The following MYOM1 variants were observed in gnomAD, a reference collection of about 807,000 sequenced individuals.
MYOM1 encodes myomesin 1, also known as myomesin-1.
Under a neutral mutation model 205.3 loss-of-function variants are expected in MYOM1, and 164 were observed. The ratio of observed to expected loss-of-function variants is 0.80; its 90% confidence interval spans 0.70 to 0.91. The LOEUF is 0.91. MYOM1 is among the 40% of genes least tolerant of loss of function. MYOM1 has a pLI of 0.00. For synonymous variants in MYOM1, 772 were observed against 789.4 expected (o/e 0.98, Z 0.37); for missense variants, 2,011 against 2,127.3 (o/e 0.95, Z 1.08).
At position 3,100,425 on chromosome 18, in the gene MYOM1, T is replaced by C; in HGVS notation, c.3577A>G (p.Thr1193Ala). The change falls in exon 24 of 38, where the codon ACG becomes GCG. Residue 1193 changes from threonine (T) to alanine (A), a missense_variant and splice_region_variant. Physicochemically the swap from Thr to Ala is moderately conservative, Grantham distance 58 (BLOSUM62 0). Coordinates refer to ENST00000356443, the MANE Select transcript of MYOM1 (RefSeq NM_003803.4). ...RLEVESKGNK[T>A]KMTFKDLGMD... ...CCAAGGTCTTTGAAGGTCATTTTCG[T>C]CCTTCGGAACAAAATATTTTTCTTA... 3 of 1,611,732 alleles carry C rather than the reference T, an allele frequency of 1.9e-6. No homozygotes were observed.
chr18:3,200,168 G>GAAAACA (rs1232929574), intron 2 of MYOM1, among the ~76,000 whole-genome samples: 10 of 151,752 alleles, frequency 6.6e-5, no homozygotes, highest in Admixed American at 2.6e-4. Context: ...GACTCCAGCT[G>GAAAACA]AAAACAAAAA....
chr18:3,157,419 A>G (rs1200196063), intron 10 of MYOM1, among the ~76,000 whole-genome samples: 3 of 152,050 alleles, frequency 2.0e-5, no homozygotes, highest in African/African-American at 7.2e-5. Context: ...AGCTGGGTGC[A>G]GTGGGTCACG....
intron 2 of MYOM1, among the ~76,000 whole-genome samples, chr18:3,202,061 G>A (rs190701780): frequency 2.6e-4 from 39 of 152,268 alleles, no homozygotes; most frequent in African/African-American, 7.2e-4. Context: ...GAGGGAGAAG[G>A]AAATGAAGCT....
At chr18:3,158,414 C>T (rs1331238272) in intron 10 of MYOM1, among the ~76,000 whole-genome samples, 1 of 152,028 alleles carries the variant, frequency 6.6e-6, no homozygotes, top group Non-Finnish European at 1.5e-5. Context: ...CACCTCTGTC[C>T]CCTCAGTTCT....
At position 3,112,330 on chromosome 18, in the gene MYOM1, A is replaced by G; in HGVS notation, c.3386T>C (p.Leu1129Pro). The G allele has an allele frequency of 1.2e-6, 2 of 1,613,162 alleles. No homozygotes were observed. Among genetic ancestry groups the G allele is most frequent in the Non-Finnish European group, 1.7e-6 (2 of 1,179,268 alleles). Residue 1129 changes from leucine to proline, a missense_variant, in exon 22 of 38, where the codon CTT becomes CCT. Coordinates refer to ENST00000356443, the MANE Select transcript of MYOM1 (RefSeq NM_003803.4). ...GGTCTCTGCCACAACAGGGCCAGCAAGGTCAGATGGCTTCCCAACTCCCGC... is the reference window on the plus strand; with the variant it reads ...GGTCTCTGCCACAACAGGGCCAGCAGGGTCAGATGGCTTCCCAACTCCCGC... Reference protein sequence around the residue: ...NQAGVGKPSDLAGPVVAETRP... With the variant: ...NQAGVGKPSDPAGPVVAETRP...
At chr18:3,102,697 T>C in intron 22 of MYOM1, 67 bp from the exon 23 acceptor site, 1 of 1,523,262 alleles carries the variant, frequency 6.6e-7, no homozygotes, top group Non-Finnish European at 8.9e-7. Context: ...ATTTGTTACC[T>C]TGAGATTCTT....
the MYOM1 span, among the ~76,000 whole-genome samples, chr18:3,235,146 T>C: frequency 6.6e-6 from 1 of 152,326 alleles, no homozygotes; most frequent in East Asian, 1.9e-4. Flanking sequence ...GTCATCTCAA[T>C]ACATCCTCCA....
intron 13 of MYOM1, 148 bp from the exon 14 acceptor site, chr18:3,142,211 A>C: frequency 3.0e-6 from 3 of 998,074 alleles, no homozygotes; most frequent in Non-Finnish European, 4.3e-6. Flanking sequence ...TTCCCCCAAA[A>C]CATCATTCAT....
the MYOM1 span, among the ~76,000 whole-genome samples, chr18:3,238,744 G>A: frequency 2.6e-5 from 4 of 152,188 alleles, no homozygotes; most frequent in African/African-American, 9.7e-5. Context: ...CTGTCAGGGA[G>A]ACTGTGTTCC....
chr18:3,083,598 T>A (rs2079114254), intron 33 of MYOM1, among the ~76,000 whole-genome samples, 191 bp downstream of exon 33: 1 of 5,610 alleles, frequency 1.8e-4, no homozygotes, highest in Non-Finnish European at 1.4e-3. Context: ...CCAGCTCATT[T>A]TTTTTTTTTT....
In MYOM1 at chr18:3,075,468, G is replaced by A; in HGVS notation, c.4694C>T (p.Ala1565Val). The A allele has an allele frequency of 6.2e-7, 1 of 1,609,418 alleles. No homozygotes were observed. Among genetic ancestry groups the A allele is most frequent in the Non-Finnish European group, 8.5e-7 (1 of 1,177,998 alleles). Residue 1565 changes from alanine to valine, a missense_variant, in exon 36 of 38, where the codon GCC becomes GTC. By Grantham distance (64) the Ala-to-Val change is moderately conservative. Transcript: ENST00000356443. ...YAEFQRLKQA[A>V]IAEKNRARVL... ...AGTTTACTTACTTTTCTCGGCAATG[G>A]CAGCTTGTCTGTGGTTGAGAGAAAC... is the stretch of plus-strand genomic sequence containing the variant.
chr18:3,167,185 T>C (rs1187682523), intron 9 of MYOM1, among the ~76,000 whole-genome samples: 1 of 152,168 alleles, frequency 6.6e-6, no homozygotes, highest in African/African-American at 2.4e-5. Context: ...AGGCACATGG[T>C]AGTGAAAAGA....
At chr18:3,244,082 A>T in the MYOM1 span, among the ~76,000 whole-genome samples, 1 of 152,188 alleles carries the variant, frequency 6.6e-6, no homozygotes, top group African/African-American at 2.4e-5. Context: ...GGGCTGAATA[A>T]CGTTCTGTTG....
chr18:3,131,962 A>G (rs2079881738), intron 16 of MYOM1, among the ~76,000 whole-genome samples: 1 of 150,386 alleles, frequency 6.6e-6, no homozygotes, highest in Non-Finnish European at 1.5e-5. Context: ...AAGTACCTAT[A>G]TAGGGCCTGG....
chr18:3,179,415 C>A lies in MYOM1; in HGVS notation c.930-3281G>T, dbSNP rs1244946478. On this transcript the variant is annotated intron_variant, in intron 5 of 37. Transcript: ENST00000356443. The surrounding 1 kb of genome is among the most constrained non-coding windows in gnomAD (Gnocchi z 4.4). Reference sequence around the variant, plus strand: ...ATGTTGCTCAAGTTGGTCTCAAATTCCTGGGCTCAAGCGATCCCCCTGCCT... The same window carrying A: ...ATGTTGCTCAAGTTGGTCTCAAATTACTGGGCTCAAGCGATCCCCCTGCCT... 6.6e-6 allele frequency among the ~76,000 whole-genome samples: 1 copy of A among 152,106 alleles called. No homozygotes were observed. Among genetic ancestry groups the A allele is most frequent in the Non-Finnish European group, 1.5e-5 (1 of 68,016 alleles).
intron 5 of MYOM1, among the ~76,000 whole-genome samples, chr18:3,180,812 C>T (rs1307186390): frequency 2.0e-5 from 3 of 151,960 alleles, no homozygotes; most frequent in Non-Finnish European, 2.9e-5. Context: ...GATGTTGGGC[C>T]GAGTTTATAG....
chr18:3,183,785 G>A (rs1271858351), intron 5 of MYOM1, among the ~76,000 whole-genome samples: 1 of 152,134 alleles, frequency 6.6e-6, no homozygotes, highest in South Asian at 2.1e-4. Flanking sequence ...CAACAATCTT[G>A]GTTGTTGCTT....
intron 25 of MYOM1, among the ~76,000 whole-genome samples, chr18:3,098,215 T>C (rs2079330362): frequency 6.6e-6 from 1 of 152,224 alleles, no homozygotes; most frequent in Non-Finnish European, 1.5e-5. Flanking sequence ...TTTTCCTGAA[T>C]AGTTCATGGA....
rs548788818 is a variant in MYOM1, at chr18:3,197,788, G to A, written c.291-3830C>T. Among the ~76,000 whole-genome samples the A allele has an allele frequency of 7.9e-5, 12 of 152,136 alleles. No homozygotes were observed. In the South Asian group the frequency reaches 2.3e-3, roughly 29 times the overall value. On this transcript the variant is annotated intron_variant, in intron 2 of 37. Transcript: ENST00000356443. Reference sequence around the variant, plus strand: ...CTCGGGAGGCTGAGGCAGGAGAATGGCGTGAACCTGGGAGGCAGAGCTTGC... The same window carrying A: ...CTCGGGAGGCTGAGGCAGGAGAATGACGTGAACCTGGGAGGCAGAGCTTGC...
Sources: allele counts gnomAD v4.1 joint callset (sites outside exome capture counted in the v4.1 genomes callset), GRCh38; gene constraint gnomAD v4.1.1; non-coding constraint Gnocchi (gnomAD v3.1); transcripts MANE v1.5; gene names NCBI Gene and HGNC (gene_info 2026-07-23, HGNC 2026-07-21).